CA10: variants seen among roughly 807,000 people sequenced by gnomAD.
CA10 encodes the protein carbonic anhydrase-related protein 10.
CA10 carries 14 observed loss-of-function variants against 44.2 expected under a neutral mutation model. That is an observed-to-expected ratio of 0.32 (90% CI 0.21 to 0.50). The LOEUF (loss-of-function observed/expected upper bound fraction) is 0.50. CA10 is among the 20% of genes least tolerant of loss of function. CA10 has a pLI of 0.99. For missense variants in CA10, 350 were observed against 409.7 expected, an observed-to-expected ratio of 0.85 and a Z score of 1.26; for synonymous variants, 159 against 141.6, an observed-to-expected ratio of 1.12 and a Z score of -0.87.
intron 4 of CA10, among the ~76,000 whole-genome samples, chr17:51,673,372 C>T (rs1267128653): frequency 6.6e-6 from 1 of 152,152 alleles, no homozygotes; most frequent in East Asian, 1.9e-4. Context: ...TTCAAATAGC[C>T]TATTCCAAGT....
intron 2 of CA10, among the ~76,000 whole-genome samples, chr17:52,034,322 A>G (rs1375243483): frequency 6.6e-6 from 1 of 152,166 alleles, no homozygotes; most frequent in Non-Finnish European, 1.5e-5. Flanking sequence ...ATGAAGTTGT[A>G]TATATTAAAT....
chr17:51,826,971 C>T (rs1242983667), intron 3 of CA10, among the ~76,000 whole-genome samples: 1 of 152,166 alleles, frequency 6.6e-6, no homozygotes, highest in Non-Finnish European at 1.5e-5. Flanking sequence ...CTCTACCAAA[C>T]TCGCCTCAAG....
intron 2 of CA10, among the ~76,000 whole-genome samples, chr17:52,022,060 T>A (rs1277395724): frequency 6.6e-6 from 1 of 151,936 alleles, no homozygotes; most frequent in African/African-American, 2.4e-5. Flanking sequence ...TTGGCTAAGA[T>A]CAAGTGAAAA....
At chr17:52,033,904 A>G (rs1453178334) in intron 2 of CA10, among the ~76,000 whole-genome samples, 2 of 152,232 alleles carry the variant, frequency 1.3e-5, no homozygotes, top group African/African-American at 4.8e-5. Context: ...ATCCTAGAAG[A>G]CATTATGCTA....
intron 1 of CA10, among the ~76,000 whole-genome samples, chr17:52,120,737 C>T (rs1350510499): frequency 2.6e-5 from 4 of 152,146 alleles, no homozygotes; most frequent in Admixed American, 2.0e-4. Context: ...GAATTCACGC[C>T]TCATGCAGGG....
At chr17:51,838,755 G>C (rs888995095) in intron 3 of CA10, among the ~76,000 whole-genome samples, 1 of 152,164 alleles carries the variant, frequency 6.6e-6, no homozygotes, top group Non-Finnish European at 1.5e-5. Flanking sequence ...GAAGATCGTT[G>C]GAAAACACAC....
chr17:51,930,486 G>A (rs1490961356), intron 3 of CA10, among the ~76,000 whole-genome samples: 1 of 152,146 alleles, frequency 6.6e-6, no homozygotes, highest in Non-Finnish European at 1.5e-5. Context: ...TTTCTGTGCA[G>A]GAGCTAGGAT....
chr17:51,933,855 G>A (rs1598125670), intron 2 of CA10, among the ~76,000 whole-genome samples: 2 of 152,232 alleles, frequency 1.3e-5, no homozygotes, highest in South Asian at 2.1e-4. Context: ...GGCAACATGG[G>A]TGGGCAGCTG....
intron 1 of CA10, among the ~76,000 whole-genome samples, chr17:52,153,124 G>A (rs1989737494): frequency 6.6e-6 from 1 of 152,062 alleles, no homozygotes; most frequent in Non-Finnish European, 1.5e-5. Flanking sequence ...AAGGGACTGG[G>A]TATTCACATC....
chr17:51,788,879 A>C (rs1371981454), intron 3 of CA10, among the ~76,000 whole-genome samples: 1 of 152,206 alleles, frequency 6.6e-6, no homozygotes, highest in Non-Finnish European at 1.5e-5. Context: ...ATAAAAACCT[A>C]CCTCAATACC....
chr17:51,700,604 C>T (rs1011077702), intron 4 of CA10, among the ~76,000 whole-genome samples: 4 of 152,180 alleles, frequency 2.6e-5, no homozygotes, highest in South Asian at 2.1e-4. Flanking sequence ...TTCACGTCTC[C>T]GTGAAGCCTG....
intron 4 of CA10, among the ~76,000 whole-genome samples, chr17:51,678,331 T>G (rs1415991440): frequency 6.6e-6 from 1 of 152,208 alleles, no homozygotes; most frequent in Non-Finnish European, 1.5e-5. Flanking sequence ...TGCCATTAAA[T>G]TGTTCACTTT....
chr17:51,864,652 G>A (rs1979464871), intron 3 of CA10, among the ~76,000 whole-genome samples: 1 of 152,182 alleles, frequency 6.6e-6, no homozygotes, highest in Non-Finnish European at 1.5e-5. Context: ...AGAAAACACT[G>A]TGTAAGAAAA....
At position 51,912,259 on chromosome 17, in the gene CA10, T is replaced by C. The variant is rs749590545; in HGVS notation, c.279+18731A>G. On this transcript the variant is annotated intron_variant, in intron 3 of 8. Transcript: ENST00000451037. ...AATTAAAATTAAATTCTGAAAACACTATGTGCTAGGCACAGTAATGGGAGC... is the reference window on the plus strand; with the variant it reads ...AATTAAAATTAAATTCTGAAAACACCATGTGCTAGGCACAGTAATGGGAGC... 8.5e-5 allele frequency among the ~76,000 whole-genome samples: 13 copies of C among 152,292 alleles called. No homozygotes were observed. In the South Asian group the frequency reaches 2.3e-3, roughly 27 times the overall value.
chr17:51,745,400 C>A (rs931870673), intron 4 of CA10, among the ~76,000 whole-genome samples: 2 of 152,176 alleles, frequency 1.3e-5, no homozygotes, highest in Non-Finnish European at 2.9e-5. Flanking sequence ...ATTTGCAACC[C>A]TGCTTACATG....
At chr17:51,731,834 C>T (rs1916734923) in intron 4 of CA10, among the ~76,000 whole-genome samples, 1 of 152,016 alleles carries the variant, frequency 6.6e-6, no homozygotes, top group South Asian at 2.1e-4. Context: ...CCCACCACCA[C>T]ACCGGGCTAA....
intron 2 of CA10, among the ~76,000 whole-genome samples, chr17:52,065,377 C>T (rs1374677480): frequency 6.6e-6 from 1 of 152,178 alleles, no homozygotes; most frequent in Non-Finnish European, 1.5e-5. Context: ...TTCACTCTGT[C>T]TCCCGAGTCA....
At chr17:52,109,112 C>A (rs1251088575) in intron 1 of CA10, among the ~76,000 whole-genome samples, 1 of 152,082 alleles carries the variant, frequency 6.6e-6, no homozygotes, top group Non-Finnish European at 1.5e-5. Context: ...TTTATTACAA[C>A]AGCAACAAAA....
At chr17:51,942,383 C>T (rs908380711) in intron 2 of CA10, among the ~76,000 whole-genome samples, 1 of 151,876 alleles carries the variant, frequency 6.6e-6, no homozygotes, top group Non-Finnish European at 1.5e-5. Flanking sequence ...GATTCATTGT[C>T]CAATAAATGT....
Sources: allele counts gnomAD v4.1 joint callset (sites outside exome capture counted in the v4.1 genomes callset), GRCh38; gene constraint gnomAD v4.1.1; transcripts MANE v1.5; gene names NCBI Gene and HGNC (gene_info 2026-07-23, HGNC 2026-07-21).